The following AHNAK variants were observed in gnomAD, a reference collection of about 807,000 sequenced individuals.
The protein encoded by AHNAK is neuroblast differentiation-associated protein AHNAK.
AHNAK carries 23 observed loss-of-function variants against 37.8 expected under a neutral mutation model. The observed-to-expected ratio is 0.61, with a 90% CI of 0.44 to 0.86. AHNAK has a LOEUF of 0.86. AHNAK is among the 40% of genes least tolerant of loss of function. The pLI is 0.00. For synonymous variants in AHNAK, 2,481 were observed against 2,636.3 expected (o/e 0.94, Z 1.80); for missense variants, 7,411 against 7,319.4 (o/e 1.01, Z -0.46).
intron 5 of AHNAK, among the ~76,000 whole-genome samples, chr11:62,479,410 G>A (rs1215540196): frequency 2.0e-5 from 3 of 151,156 alleles, no homozygotes; most frequent in African/African-American, 4.9e-5. Context: ...CAGGTGATCC[G>A]TCTACCTCAG....
At chr11:62,464,069 G>GT (rs1270668036) in intron 5 of AHNAK, among the ~76,000 whole-genome samples, 5 of 146,538 alleles carry the variant, frequency 3.4e-5, no homozygotes, top group Non-Finnish European at 4.5e-5. Flanking sequence ...TGCCCGATGA[G>GT]TTTTTTTTTT....
At position 62,526,016 on chromosome 11, in the gene AHNAK, T is replaced by C. The variant is rs372433570; in HGVS notation, c.8401A>G (p.Lys2801Glu). The change falls in exon 5 of 5, where the codon AAA becomes GAA. Residue 2801 changes from lysine to glutamate, a missense_variant. By Grantham distance (56) the Lys-to-Glu change is moderately conservative. Transcript: ENST00000378024. The part of the protein sequence containing the change: ...PKADIDVSGP[K>E]VDVECPDVNI... ...ACATCGGGACATTCAACATCCACTTTCGGTCCTGAGACATCAATGTCAGCC... is the reference window on the plus strand; with the variant it reads ...ACATCGGGACATTCAACATCCACTTCCGGTCCTGAGACATCAATGTCAGCC... 9 of 1,613,530 alleles carry C rather than the reference T, an allele frequency of 5.6e-6. No individual in the cohort carries two copies. The highest frequency in any genetic ancestry group is 5.1e-6 in the Non-Finnish European group (6 of 1,179,962).
intron 4 of AHNAK, among the ~76,000 whole-genome samples, chr11:62,506,015 A>T (rs1939805676): frequency 3.5e-4 from 1 of 2,844 alleles, no homozygotes; most frequent in Non-Finnish European, 3.6e-3. Flanking sequence ...GTCTCTACCA[A>T]AAAAAAAAAA....
In AHNAK at chr11:62,526,669, T is replaced by C; in HGVS notation, c.7748A>G (p.Asp2583Gly). Residue 2583 changes from aspartate to glycine, a missense_variant, in exon 5 of 5, where the codon GAC becomes GGC. By Grantham distance (94) the Asp-to-Gly change is moderately conservative. Transcript: ENST00000378024. ...NIKAPKISMPDFDLHLKGPKV... is the reference protein window; with the variant it reads ...NIKAPKISMPGFDLHLKGPKV... The stretch of plus-strand genomic sequence containing the variant: ...GGGACCTTTCAGATGCAAATCAAAG[T>C]CAGGCATGGAGATCTTGGGGGCTTT... 1 of 1,612,592 alleles carries C rather than the reference T, an allele frequency of 6.2e-7. No individual in the cohort carries two copies. Among genetic ancestry groups the C allele is most frequent in the Non-Finnish European group, 8.5e-7 (1 of 1,179,684 alleles).
intron 1 of AHNAK, among the ~76,000 whole-genome samples, chr11:62,544,649 G>A (rs1941248131): frequency 6.6e-6 from 1 of 151,886 alleles, no homozygotes; most frequent in Non-Finnish European, 1.5e-5. Context: ...TCCCCATTCT[G>A]CACAGGCCAC....
At chr11:62,505,805 G>T (rs1465802371) in intron 4 of AHNAK, among the ~76,000 whole-genome samples, 3 of 148,212 alleles carry the variant, frequency 2.0e-5, no homozygotes. Context: ...GTCAGCCTCT[G>T]CCCATCCCGG....
At chr11:62,463,644 G>T (rs559435672) in intron 5 of AHNAK, among the ~76,000 whole-genome samples, 2 of 152,142 alleles carry the variant, frequency 1.3e-5, no homozygotes, top group African/African-American at 2.4e-5. Flanking sequence ...CAGGGTGACC[G>T]ACTGTCCTGG....
chr11:62,535,171 G>C lies in AHNAK; in HGVS notation c.174C>G (p.Ala58=). Residue 58 remains alanine (A), a synonymous_variant, in exon 4 of 5, where the codon GCC becomes GCG. Coordinates refer to ENST00000378024, the MANE Select transcript of AHNAK (RefSeq NM_001620.3). ...VVKEGDQIVG[A]TIYFDNLQSG... ...ACTGCAGGTTGTCAAAGTAGATGGT[G>C]GCACCCACAATCTGGTCCCCTGAGC... 6.2e-7 allele frequency: 1 copy of C among 1,611,156 alleles called. No individual in the cohort carries two copies. The highest frequency in any genetic ancestry group is 8.5e-7 in the Non-Finnish European group (1 of 1,177,500).
chr11:62,478,285 T>C (rs1319316231), intron 5 of AHNAK, among the ~76,000 whole-genome samples: 1 of 152,212 alleles, frequency 6.6e-6, no homozygotes, highest in Non-Finnish European at 1.5e-5. Flanking sequence ...CTGAGGTCTT[T>C]TCACACTAAG....
In AHNAK at chr11:62,505,557, A is replaced by G. The variant is rs528707338; in HGVS notation, c.343-13726T>C. 8.5e-5 allele frequency among the ~76,000 whole-genome samples: 13 copies of G among 152,194 alleles called. No homozygotes were observed. The South Asian group carries it at 2.7e-3, about 32-fold the overall frequency. The stretch of plus-strand genomic sequence containing the variant: ...AGTGCCAGGAGGGATTTATGGAGAC[A>G]GGGAGCGGGGCTAAAGTCCCCTCGA... On this transcript the variant is annotated intron_variant, in intron 4 of 5. Coordinates refer to the AHNAK transcript ENST00000257247.
intron 3 of AHNAK, among the ~76,000 whole-genome samples, 181 bp downstream of exon 3, chr11:62,535,764 C>T (rs985927396): frequency 3.3e-5 from 5 of 152,128 alleles, no homozygotes; most frequent in Non-Finnish European, 7.4e-5. Flanking sequence ...CTGAGGACCA[C>T]AAGTGACAGA....
chr11:62,480,149 G>GGACCCAGTGGCCAGCTGTC (rs1939237348), intron 5 of AHNAK, among the ~76,000 whole-genome samples: 1 of 152,126 alleles, frequency 6.6e-6, no homozygotes, highest in South Asian at 2.1e-4. Context: ...CTGGGAGCAG[G>GGACCCAGTGGCCAGCTGTC]CTGGACCCAG....
At chr11:62,515,015 A>G (rs1939981798), downstream of AHNAK, among the ~76,000 whole-genome samples, 1 of 152,146 alleles carries the variant, frequency 6.6e-6, no homozygotes, top group South Asian at 2.1e-4. Context: ...AGGAATGGCG[A>G]GGGGGACAAG....
intron 5 of AHNAK, among the ~76,000 whole-genome samples, chr11:62,438,260 T>C (rs1196981964): frequency 1.1e-5 from 1 of 88,132 alleles, no homozygotes; most frequent in African/African-American, 4.9e-5. Flanking sequence ...CTCGGCTCAC[T>C]GCAACTCTGC....
chr11:62,496,990 G>A (rs1939623268), intron 4 of AHNAK, among the ~76,000 whole-genome samples: 1 of 152,138 alleles, frequency 6.6e-6, no homozygotes, highest in African/African-American at 2.4e-5. Context: ...GGAATTAAAT[G>A]GTATAAAATA....
At position 62,525,045 on chromosome 11, in the gene AHNAK, G is replaced by A. The variant is rs371205248; in HGVS notation, c.9372C>T (p.Asp3124=). The change falls in exon 5 of 5, where the codon GAC becomes GAT. Residue 3124 remains aspartate (D), a synonymous_variant. Transcript: ENST00000378024. The stretch of plus-strand genomic sequence containing the variant: ...CCACTTTGGGGCCTTTAATATCCAC[G>A]TCAGGAACTTTCATGTCACCTTCCA... ...PKVEGDMKVP[D]VDIKGPKVDI... 98 of 1,612,798 alleles carry A rather than the reference G, an allele frequency of 6.1e-5. No homozygotes were observed. The highest frequency in any genetic ancestry group is 1.7e-4 in the Middle Eastern group (1 of 6,048).
intron 5 of AHNAK, among the ~76,000 whole-genome samples, chr11:62,443,275 C>CTTTT (rs530619642): frequency 2.0e-5 from 2 of 99,766 alleles, no homozygotes; most frequent in Non-Finnish European, 3.8e-5. Flanking sequence ...TGCACCCGGC[C>CTTTT]TTTTTTTTTT....
At chr11:62,501,910 G>A (rs1375637424) in intron 4 of AHNAK, among the ~76,000 whole-genome samples, 1 of 152,134 alleles carries the variant, frequency 6.6e-6, no homozygotes, top group Non-Finnish European at 1.5e-5. Context: ...GGCTTTCCAG[G>A]TCAAAAAATT....
rs1048204030 is a variant in AHNAK, at chr11:62,469,100, C to T, written c.442+22632G>A. Among the ~76,000 whole-genome samples the T allele has an allele frequency of 8.5e-5, 13 of 152,150 alleles. No homozygotes were observed. The South Asian group carries it at 1.7e-3, about 19-fold the overall frequency. On this transcript the variant is annotated intron_variant, in intron 5 of 5. Transcript: ENST00000257247. ...CTAGCTTGGTGTGAGCCACTTAGCC[C>T]GGCCCAATTGGGATCTCCTGATTTC...
Sources: gnomAD v4.1 joint callset for allele counts (sites outside exome capture counted in the v4.1 genomes callset) on GRCh38, gnomAD v4.1.1 for gene constraint, MANE v1.5 for transcripts, NCBI Gene and HGNC (gene_info 2026-07-23, HGNC 2026-07-21) for gene names.